The following TMPRSS6 variants were observed in gnomAD, a reference collection of about 807,000 sequenced individuals.
The protein encoded by TMPRSS6 is transmembrane serine protease 6.
In TMPRSS6, 67 loss-of-function variants were observed where a neutral mutation model predicts 101.5. The observed-to-expected ratio is 0.66, with a 90% confidence interval of 0.54 to 0.81. The LOEUF (loss-of-function observed/expected upper bound fraction) is 0.81. TMPRSS6 is among the 30% of genes least tolerant of loss of function. The probability of loss-of-function intolerance (pLI) is 0.00; values close to 1 mark genes in which losing one functional copy is unlikely to be tolerated. For synonymous variants in TMPRSS6, 453 were observed against 464.9 expected (o/e 0.97, Z 0.33); for missense variants, 1,034 against 1,088.7 (o/e 0.95, Z 0.71).
In TMPRSS6 at chr22:37,066,235, C is replaced by A; in HGVS notation, c.2254G>T (p.Asp752Tyr). 1 of 1,610,550 alleles carries A rather than the reference C, an allele frequency of 6.2e-7. No individual in the cohort carries two copies. The highest frequency in any genetic ancestry group is 1.1e-5 in the South Asian group (1 of 90,876). Residue 752 changes from aspartate to tyrosine, a missense_variant, in exon 18 of 18, where the codon GAC becomes TAC. Coordinates refer to ENST00000676104, the MANE Select transcript of TMPRSS6 (RefSeq NM_001374504.1). ...RKGKKDACQGDSGGPLVCKAL... is the reference protein window; with the variant it reads ...RKGKKDACQGYSGGPLVCKAL... Reference sequence around the variant, plus strand: ...TTGCACACCAGCGGACCACCTGAGTCACCCTGAAAGGGGGAAAGGAGAAAG... The same window carrying A: ...TTGCACACCAGCGGACCACCTGAGTAACCCTGAAAGGGGGAAAGGAGAAAG...
intron 13 of TMPRSS6, 108 bp from the exon 14 acceptor site, chr22:37,071,140 G>T: frequency 1.0e-6 from 1 of 982,936 alleles, no homozygotes; most frequent in South Asian, 1.4e-5. Context: ...GCCAGGAGGT[G>T]ACTAGAGAGT....
At chr22:37,084,253 G>T in intron 10 of TMPRSS6, 42 bp downstream of exon 10, 1 of 1,525,358 alleles carries the variant, frequency 6.6e-7, no homozygotes, top group Non-Finnish European at 9.0e-7. Flanking sequence ...AGAGGGAGGG[G>T]GAGGGAGGAA....
In TMPRSS6 at chr22:37,074,728, C is replaced by T. The variant is rs372156816; in HGVS notation, c.1343-20G>A. On this transcript the variant is annotated intron_variant, in intron 11 of 17. Transcript: ENST00000676104. ...GGCAGGCTGCAAAACCACAGGGGAC[C>T]GTGGAGGCAGGCAGGGCGCCATTAG... is the stretch of plus-strand genomic sequence containing the variant. 20 of 1,612,368 alleles carry T rather than the reference C, an allele frequency of 1.2e-5. No homozygotes were observed. The highest frequency in any genetic ancestry group is 1.6e-4 in the Middle Eastern group (1 of 6,082).
chr22:37,072,223 GAT>G (rs1927030850), intron 13 of TMPRSS6, among the ~76,000 whole-genome samples: 1 of 74,310 alleles, frequency 1.3e-5, no homozygotes, highest in Non-Finnish European at 2.6e-5. Flanking sequence ...ATGATGGATG[GAT>G]GGATGGATGA....
rs1930461301 is a variant in TMPRSS6 at position 37,103,131 on chromosome 22, G to A, written c.202+85C>T. 13 of 1,441,196 alleles carry A rather than the reference G, an allele frequency of 9.0e-6. No individual in the cohort carries two copies. Among genetic ancestry groups the A allele is most frequent in the Non-Finnish European group, 1.2e-5 (12 of 1,032,954 alleles). 89.3% of individuals were successfully genotyped at this position (1,441,196 alleles called of 1,614,324 possible). On this transcript the variant is annotated intron_variant, in intron 2 of 17. Transcript: ENST00000676104. This position sits in a 1 kb window ranked among gnomAD's most constrained non-coding sequence, Gnocchi z 4.4. ...CAATATGCTAAGCACGGCTGAGCCT[G>A]GAACCCAGTCCTGTCCTGCTGTGCC...
intron 10 of TMPRSS6, among the ~76,000 whole-genome samples, chr22:37,081,236 G>A (rs147597581): frequency 1.0e-3 from 156 of 152,328 alleles, no homozygotes; most frequent in Non-Finnish European, 1.4e-3. Context: ...ACCTAAGCCC[G>A]CGTGTGCAAT....
Position 37,073,590 on chromosome 22 carries a change from C to T in TMPRSS6, c.1497G>A (p.Lys499=). 5 of 1,614,162 alleles carry T rather than the reference C, an allele frequency of 3.1e-6. No homozygotes were observed. The highest frequency in any genetic ancestry group is 4.2e-6 in the Non-Finnish European group (5 of 1,180,016). ...KEDSTCISLP[K]VCDGQPDCLN... Reference sequence around the variant, plus strand: ...GACAATCAGGCTGCCCATCACAGACCTTGGGCAGTGAGATGCATGTGCTGT... The same window carrying T: ...GACAATCAGGCTGCCCATCACAGACTTTGGGCAGTGAGATGCATGTGCTGT... Residue 499 remains lysine (K), a synonymous_variant, in exon 13 of 18, where the codon AAG becomes AAA. Coordinates refer to ENST00000676104, the MANE Select transcript of TMPRSS6 (RefSeq NM_001374504.1).
intron 17 of TMPRSS6, among the ~76,000 whole-genome samples, chr22:37,066,461 T>G (rs905282080): frequency 1.3e-5 from 2 of 152,224 alleles, no homozygotes; most frequent in African/African-American, 4.8e-5. Flanking sequence ...TGTGGCTGTG[T>G]CCCCACGCCC....
At chr22:37,078,702 A>AG (rs1254174292) in intron 10 of TMPRSS6, among the ~76,000 whole-genome samples, 59 of 33,546 alleles carry the variant, frequency 1.8e-3, no homozygotes, top group African/African-American at 7.2e-3. Flanking sequence ...AGGAAGAGGA[A>AG]GAGGAAGGAG....
At chr22:37,094,203 G>A (rs928457300) in intron 6 of TMPRSS6, among the ~76,000 whole-genome samples, 3 of 152,076 alleles carry the variant, frequency 2.0e-5, no homozygotes, top group African/African-American at 7.2e-5. Context: ...ATCAACCTCA[G>A]ACTCTGTAGA....
intron 6 of TMPRSS6, among the ~76,000 whole-genome samples, chr22:37,090,453 C>T (rs1418237098): frequency 2.0e-5 from 3 of 152,116 alleles, no homozygotes; most frequent in African/African-American, 7.2e-5. Flanking sequence ...AGGGAGTGCC[C>T]TAAGGAGGAG....
At chr22:37,108,591 G>A (rs560306911) in intron 1 of TMPRSS6, among the ~76,000 whole-genome samples, 4 of 152,306 alleles carry the variant, frequency 2.6e-5, no homozygotes, top group South Asian at 4.2e-4. Context: ...GGGCGGGGCC[G>A]CGACTCCCCC....
chr22:37,066,624 A>G (rs760033559), intron 17 of TMPRSS6, among the ~76,000 whole-genome samples: 22 of 152,184 alleles, frequency 1.4e-4, no homozygotes, highest in Non-Finnish European at 2.6e-4. Flanking sequence ...ATCTCTTCTG[A>G]TCTGTGGCTC....
In TMPRSS6 at chr22:37,095,983, A is replaced by G; in HGVS notation, c.512T>C (p.Leu171Pro). Residue 171 changes from leucine (L) to proline (P), a missense_variant, in exon 5 of 18, where the codon CTG (leucine) becomes CCG (proline). By Grantham distance (98) the Leu-to-Pro change is moderately conservative. Coordinates refer to ENST00000676104, the MANE Select transcript of TMPRSS6 (RefSeq NM_001374504.1). Reference protein sequence around the residue: ...VVQALLVEELLSTVNSSAAVP... With the variant: ...VVQALLVEELPSTVNSSAAVP... The stretch of plus-strand genomic sequence containing the variant: ...GGCAGCCGAGCTGTTGACTGTGGAC[A>G]GCAGCTCCTCCACCAGCAGTGCCTG... 6.2e-7 allele frequency: 1 copy of G among 1,614,242 alleles called. No individual in the cohort carries two copies. Among genetic ancestry groups the G allele is most frequent in the Non-Finnish European group, 8.5e-7 (1 of 1,180,042 alleles).
intron 13 of TMPRSS6, 130 bp downstream of exon 13, chr22:37,073,402 A>G: frequency 3.2e-6 from 2 of 633,868 alleles, no homozygotes; most frequent in Non-Finnish European, 2.9e-6. Context: ...ATGAATGGAC[A>G]GACATACAGA....
rs1601516978 is a variant in TMPRSS6 at position 37,069,489 on chromosome 22, C to T, written c.1842-145G>A. 1.2e-6 allele frequency: 1 copy of T among 853,652 alleles called. No homozygotes were observed. The highest frequency in any genetic ancestry group is 1.7e-5 in the South Asian group (1 of 58,958). The allele number at this position is 853,652 out of a possible 1,614,324, so 52.9% of individuals were successfully genotyped here. ...AGCCCTCCCTTCCCTCCCTGAAGGT[C>T]GCCTAGCTGGTGGTACAGCGTTCAG... is the stretch of plus-strand genomic sequence containing the variant. On this transcript the variant is annotated intron_variant, in intron 15 of 17. Coordinates refer to ENST00000676104, the MANE Select transcript of TMPRSS6 (RefSeq NM_001374504.1). The surrounding 1 kb of genome is among the most constrained non-coding windows in gnomAD (Gnocchi z 4.8).
intron 3 of TMPRSS6, among the ~76,000 whole-genome samples, chr22:37,097,214 A>T (rs1389440087): frequency 2.6e-5 from 4 of 152,216 alleles, no homozygotes; most frequent in Non-Finnish European, 5.9e-5. Context: ...TCCTGTTGTT[A>T]TCACCCCTAC....
rs1488849660 is a variant in TMPRSS6, at chr22:37,069,320, G to C, written c.1866C>G (p.Thr622=). ...EDSMASTVLW[T]VFLGKVWQNS... is the part of the protein sequence containing the mutation. ...TCTGCCACACCTTGCCCAGGAACAC[G>C]GTCCACAGCACCGTGGAGGCCATGC... is the stretch of plus-strand genomic sequence containing the variant. Residue 622 remains threonine, a synonymous_variant, in exon 16 of 18, where the codon ACC becomes ACG. Coordinates refer to ENST00000676104, the MANE Select transcript of TMPRSS6 (RefSeq NM_001374504.1). This position sits in a 1 kb window ranked among gnomAD's most constrained non-coding sequence, Gnocchi z 4.8. 3 of 1,310,306 alleles carry C rather than the reference G, an allele frequency of 2.3e-6. No individual in the cohort carries two copies. Among genetic ancestry groups the C allele is most frequent in the Middle Eastern group, 2.2e-4 (1 of 4,606 alleles). 81.2% of individuals were successfully genotyped at this position (1,310,306 alleles called of 1,614,324 possible).
chr22:37,079,752 A>G (rs995703518), intron 10 of TMPRSS6, among the ~76,000 whole-genome samples: 1 of 152,254 alleles, frequency 6.6e-6, no homozygotes, highest in Admixed American at 6.5e-5. Flanking sequence ...TAAGGCATGC[A>G]TAGGAAATGA....
Sources: gnomAD v4.1 joint callset for allele counts (sites outside exome capture counted in the v4.1 genomes callset) on GRCh38, gnomAD v4.1.1 for gene constraint, Gnocchi (gnomAD v3.1) non-coding constraint, MANE v1.5 for transcripts, NCBI Gene and HGNC (gene_info 2026-07-23, HGNC 2026-07-21) for gene names.